RNPC3: variants seen among roughly 807,000 people sequenced by gnomAD.
RNPC3 encodes RNA binding region (RNP1, RRM) containing 3, also known as RNA-binding region-containing protein 3.
Under a neutral mutation model 67.5 loss-of-function variants are expected in RNPC3, and 48 were observed. The observed-to-expected ratio is 0.71, with a 90% CI of 0.56 to 0.90. RNPC3 has a LOEUF of 0.90. RNPC3 is among the 40% of genes least tolerant of loss of function. The pLI, the probability that RNPC3 is intolerant of heterozygous loss-of-function variation, is 0.00. For synonymous variants in RNPC3, 239 were observed against 210.3 expected, an observed-to-expected ratio of 1.14 and a Z score of -1.18; for missense variants, 637 against 626.1, an observed-to-expected ratio of 1.02 and a Z score of -0.19.
rs904355234 is a variant in RNPC3 at position 103,526,142 on chromosome 1, G to A, written c.72G>A (p.Arg24=). The change falls in exon 1 of 15, where the codon CGG becomes CGA. Residue 24 remains arginine (R), a synonymous_variant. Coordinates refer to ENST00000423855, the MANE Select transcript of RNPC3 (RefSeq NM_017619.4). ...GCTCCTCCTCGCTTTCCCCGCCTCG[G>A]GGCGACCGAACCCTTCTGGTCAGGC... ...CTSSSSLSPP[R]GDRTLLVRHL... The A allele has an allele frequency of 4.5e-6, 7 of 1,551,276 alleles. No homozygotes were observed. In the African/African-American group the frequency reaches 8.2e-5, roughly 18 times the overall value.
At chr1:103,529,192 C>T (rs568739665) in intron 2 of RNPC3, among the ~76,000 whole-genome samples, 2 of 152,180 alleles carry the variant, frequency 1.3e-5, no homozygotes, top group East Asian at 3.9e-4. Context: ...AAACATCTTT[C>T]TCTGAGAGTA....
In RNPC3 at chr1:103,541,461, G is replaced by T. The variant is rs1651123864; in HGVS notation, c.879G>T (p.Leu293Phe). 1 of 1,494,194 alleles carries T rather than the reference G, an allele frequency of 6.7e-7. No individual in the cohort carries two copies. The highest frequency in any genetic ancestry group is 1.4e-5 in the African/African-American group (1 of 69,210). 92.6% of individuals were successfully genotyped at this position (1,494,194 alleles called of 1,614,324 possible). A position where few individuals can be genotyped will look rare whatever the true frequency, so the allele number is the denominator to read the frequency against. The change falls in exon 8 of 15, where the codon TTG becomes TTT. Residue 293 changes from leucine to phenylalanine, a missense_variant. This residue lies in a region of RNPC3 where 536 missense variants were observed against 500.3 expected (regional missense o/e 1.07). Transcript: ENST00000423855. ...RKIKDMLNTP[L>F]CPSHSSLHPV... ...TAAAGGATATGTTGAATACACCTTT[G>T]TGTCCTTCACACAGGTAATTTTATT...
At chr1:103,542,881 A>G (rs1282597409) in intron 8 of RNPC3, among the ~76,000 whole-genome samples, 1 of 151,806 alleles carries the variant, frequency 6.6e-6, no homozygotes, top group East Asian at 1.9e-4. Context: ...GTTTCTTTTC[A>G]TGGTTTTAAT....
Position 103,536,117 on chromosome 1 carries a change from C to T in RNPC3, c.556-9C>T. 1 of 1,525,128 alleles carries T rather than the reference C, an allele frequency of 6.6e-7. No homozygotes were observed. The highest frequency in any genetic ancestry group is 8.8e-7 in the Non-Finnish European group (1 of 1,136,772). The allele number at this position is 1,525,128 out of a possible 1,614,324, so 94.5% of individuals were successfully genotyped here. Reference sequence around the variant, plus strand: ...TTATATGTGAATTTAAATGTCTTACCACTTTAAGGTCCTTCATCTTATGAA... The same window carrying T: ...TTATATGTGAATTTAAATGTCTTACTACTTTAAGGTCCTTCATCTTATGAA... On this transcript the variant is annotated splice_polypyrimidine_tract_variant and intron_variant, in intron 5 of 14. Transcript: ENST00000423855.
intron 9 of RNPC3, among the ~76,000 whole-genome samples, chr1:103,543,918 G>T (rs1373939387): frequency 6.6e-6 from 1 of 151,618 alleles, no homozygotes. Flanking sequence ...CTATTCTTAA[G>T]TTTAAAACAA....
At chr1:103,536,061 A>G (rs2101045399) in intron 5 of RNPC3, 65 bp from the exon 6 acceptor site, 1 of 1,210,522 alleles carries the variant, frequency 8.3e-7, no homozygotes, top group Non-Finnish European at 1.2e-6. Context: ...GTTTCTTAGT[A>G]CATAAAATAC....
intron 7 of RNPC3, 100 bp downstream of exon 7, chr1:103,537,584 T>C: frequency 2.1e-6 from 2 of 973,542 alleles, no homozygotes; most frequent in Non-Finnish European, 2.9e-6. Flanking sequence ...ACTTAATAGT[T>C]TGGGGTGATT....
At chr1:103,526,318 A>AG (rs904406610) in intron 1 of RNPC3, 56 bp downstream of exon 1, 1 of 1,425,974 alleles carries the variant, frequency 7.0e-7, no homozygotes, top group African/African-American at 1.4e-5. Context: ...GTGACCGGGG[A>AG]GGGGGAGCGC....
Position 103,545,169 on chromosome 1 carries a change from CA to C in RNPC3, c.1207+70del, listed in dbSNP as rs538500379. ...TATCTTTGACTCTATAGAAACAAAACAAATCTGTCATGCCATTTACCTTAAT... is the reference window on the plus strand; with the variant it reads ...TATCTTTGACTCTATAGAAACAAAACAATCTGTCATGCCATTTACCTTAAT... On this transcript the variant is annotated intron_variant, in intron 10 of 14. Coordinates refer to ENST00000423855, the MANE Select transcript of RNPC3 (RefSeq NM_017619.4). The C allele has an allele frequency of 1.7e-4, 215 of 1,274,094 alleles. No homozygotes were observed. In the African/African-American group the frequency reaches 2.8e-3, roughly 17 times the overall value. 78.9% of individuals were successfully genotyped at this position (1,274,094 alleles called of 1,614,324 possible).
At chr1:103,551,414 A>G (rs1056047896) in intron 13 of RNPC3, among the ~76,000 whole-genome samples, 1 of 152,192 alleles carries the variant, frequency 6.6e-6, no homozygotes, top group African/African-American at 2.4e-5. Flanking sequence ...TGTAATTTAT[A>G]TTTCTACATG....
In RNPC3 at chr1:103,545,113, G is replaced by A. The variant is rs895995386; in HGVS notation, c.1207+11G>A. On this transcript the variant is annotated intron_variant, in intron 10 of 14. Coordinates refer to ENST00000423855, the MANE Select transcript of RNPC3 (RefSeq NM_017619.4). ...GAATTTCTAGAGAAGGTAATGTCAC[G>A]AAATAAACTAAGCACATATTCCATT... 7.2e-6 allele frequency: 11 copies of A among 1,523,510 alleles called. No individual in the cohort carries two copies. The highest frequency in any genetic ancestry group is 2.0e-5 in the Admixed American group (1 of 48,970). 94.4% of individuals were successfully genotyped at this position (1,523,510 alleles called of 1,614,324 possible). A position where few individuals can be genotyped will look rare whatever the true frequency, so the allele number is the denominator to read the frequency against.
intron 7 of RNPC3, among the ~76,000 whole-genome samples, chr1:103,538,474 G>C (rs1412510137): frequency 1.3e-5 from 2 of 152,134 alleles, no homozygotes; most frequent in Non-Finnish European, 2.9e-5. Context: ...CCAGAGTTAC[G>C]ATAGTATTGA....
intron 12 of RNPC3, 97 bp downstream of exon 12, chr1:103,547,132 A>G (rs1454073265): frequency 3.0e-5 from 21 of 706,020 alleles, no homozygotes; most frequent in Non-Finnish European, 3.9e-5. Context: ...TTTAGAGATA[A>G]AAATTATATG....
chr1:103,537,534 G>T, intron 7 of RNPC3, 50 bp downstream of exon 7: 1 of 1,449,402 alleles, frequency 6.9e-7, no homozygotes, highest in African/African-American at 1.4e-5. Context: ...TAGAATGTAA[G>T]AAAGAGACTC....
intron 6 of RNPC3, 69 bp downstream of exon 6, chr1:103,536,263 T>C: frequency 8.9e-7 from 1 of 1,122,578 alleles, no homozygotes; most frequent in Admixed American, 2.0e-5. Flanking sequence ...GGCTGAATTA[T>C]ACAGGTGTTG....
intron 12 of RNPC3, among the ~76,000 whole-genome samples, chr1:103,548,769 A>G (rs1266562433): frequency 6.6e-6 from 1 of 152,102 alleles, no homozygotes; most frequent in African/African-American, 2.4e-5. Context: ...AATTTACTGT[A>G]TTAGTCTGTT....
chr1:103,529,636 C>A (rs559870198), intron 2 of RNPC3, among the ~76,000 whole-genome samples: 2 of 152,244 alleles, frequency 1.3e-5, no homozygotes, highest in East Asian at 3.9e-4. Flanking sequence ...TGGAGTAAGT[C>A]AGGTTAGATG....
chr1:103,541,769 TTTC>T (rs1651130321), intron 8 of RNPC3, among the ~76,000 whole-genome samples: 2 of 152,088 alleles, frequency 1.3e-5, no homozygotes, highest in Admixed American at 6.6e-5. Flanking sequence ...CCTTTTATCA[TTTC>T]TTTTCTCTTT....
intron 2 of RNPC3, 104 bp from the exon 3 acceptor site, chr1:103,533,635 T>G (rs1044707187): frequency 3.1e-6 from 2 of 649,178 alleles, no homozygotes; most frequent in South Asian, 3.4e-5. Context: ...GTCAAGGAAC[T>G]GTTTACAGCA....
Sources: allele counts gnomAD v4.1 joint callset (sites outside exome capture counted in the v4.1 genomes callset), GRCh38; gene constraint gnomAD v4.1.1; regional missense constraint gnomAD v4.1.1; transcripts MANE v1.5; gene names NCBI Gene and HGNC (gene_info 2026-07-23, HGNC 2026-07-21).